The following AGO2 variants were observed in gnomAD, a reference collection of about 807,000 sequenced individuals.
The protein encoded by AGO2 is protein argonaute-2.
Under a neutral mutation model 102.3 loss-of-function variants are expected in AGO2, and 5 were observed. That is an observed-to-expected ratio of 0.05 (90% CI 0.03 to 0.10). The LOEUF (loss-of-function observed/expected upper bound fraction) is 0.10, where lower values mean the gene tolerates loss of function less well. Among genes scored for constraint, AGO2 ranks in the 10% least tolerant of loss-of-function variants. The pLI, the probability that AGO2 is intolerant of heterozygous loss-of-function variation, is 1.00. For synonymous variants in AGO2, 449 were observed against 473.1 expected (o/e 0.95, Z 0.66); for missense variants, 541 against 1,183.7 (o/e 0.46, Z 7.97).
In AGO2 at chr8:140,532,041, A is replaced by C. The variant is rs759660452; in HGVS notation, c.*3T>G. 2 of 1,613,892 alleles carry C rather than the reference A, an allele frequency of 1.2e-6. No individual in the cohort carries two copies. The highest frequency in any genetic ancestry group is 8.5e-7 in the Non-Finnish European group (1 of 1,179,786). On this transcript the variant is annotated 3_prime_UTR_variant, in exon 19 of 19. Coordinates refer to ENST00000220592, the MANE Select transcript of AGO2 (RefSeq NM_012154.5). ...GTACACAATCGCTAAACACTAAAAC[A>C]TGTCAAGCAAAGTACATGGTGCGCA...
At chr8:140,535,198 C>T (rs1296952812) in intron 17 of AGO2, among the ~76,000 whole-genome samples, 1 of 152,212 alleles carries the variant, frequency 6.6e-6, no homozygotes, top group Non-Finnish European at 1.5e-5. Flanking sequence ...ACACCACACC[C>T]CTGGCTCCCC....
chr8:140,635,826 C>T (rs1473714186), upstream of AGO2, among the ~76,000 whole-genome samples: 1 of 138,092 alleles, frequency 7.2e-6, no homozygotes, highest in Non-Finnish European at 1.6e-5. Flanking sequence ...TCTGGCGGGG[C>T]CTGGGGCGGG....
intron 1 of AGO2, among the ~76,000 whole-genome samples, chr8:140,606,472 A>G (rs893822058): frequency 1.3e-5 from 2 of 152,220 alleles, no homozygotes; most frequent in African/African-American, 4.8e-5. Flanking sequence ...TTTGCTTAAA[A>G]ACGCAGTTTC....
At chr8:140,633,520 T>C (rs571783275) in intron 1 of AGO2, among the ~76,000 whole-genome samples, 1 of 152,280 alleles carries the variant, frequency 6.6e-6, no homozygotes, top group South Asian at 2.1e-4. Context: ...CTGTGGATCA[T>C]GAGGGCCAAG....
intron 1 of AGO2, among the ~76,000 whole-genome samples, chr8:140,627,815 T>G (rs1207392955): frequency 1.3e-5 from 2 of 152,128 alleles, no homozygotes; most frequent in Non-Finnish European, 2.9e-5. Context: ...CGGTCACTTG[T>G]CAGAGCTCCA....
At chr8:140,614,404 C>A (rs1393129188) in intron 1 of AGO2, among the ~76,000 whole-genome samples, 2 of 152,204 alleles carry the variant, frequency 1.3e-5, no homozygotes, top group Non-Finnish European at 2.9e-5. Context: ...CACATTAAAC[C>A]AATTCTTTAA....
chr8:140,624,080 C>G (rs1034663206), intron 1 of AGO2, among the ~76,000 whole-genome samples: 1 of 152,020 alleles, frequency 6.6e-6, no homozygotes, highest in Non-Finnish European at 1.5e-5. Flanking sequence ...GATGGACCGT[C>G]CCCTCCTGGG....
chr8:140,551,932 G>A (rs1403879592), intron 10 of AGO2, among the ~76,000 whole-genome samples: 2 of 152,110 alleles, frequency 1.3e-5, no homozygotes, highest in East Asian at 1.9e-4. Context: ...GAGAGATGGA[G>A]AGATGGATGA....
At position 140,526,454 on chromosome 8, in the gene AGO2, AC is replaced by A. The variant is rs1303936225; in HGVS notation, c.*5589del. ...CTCAAAGCTGCGCAGAACAGAGGTG[AC>A]CCTGGTCCACCTGACACAGTAGAGG... On this transcript the variant is annotated 3_prime_UTR_variant, in exon 19 of 19. Coordinates refer to ENST00000220592, the MANE Select transcript of AGO2 (RefSeq NM_012154.5). This position sits in a 1 kb window ranked among gnomAD's most constrained non-coding sequence, Gnocchi z 5.2. The A allele has an allele frequency of 1.3e-5, 2 of 152,118 alleles. No homozygotes were observed. The highest frequency in any genetic ancestry group is 2.4e-5 in the African/African-American group (1 of 41,406). 9.4% of individuals were successfully genotyped at this position (152,118 alleles called of 1,614,324 possible).
intron 3 of AGO2, among the ~76,000 whole-genome samples, chr8:140,568,988 C>T (rs1022807409): frequency 5.3e-5 from 8 of 152,228 alleles, no homozygotes; most frequent in African/African-American, 1.4e-4. Context: ...ACTGCCCAAG[C>T]GGAGCCCCCC....
chr8:140,546,794 T>C (rs2944768), intron 13 of AGO2, among the ~76,000 whole-genome samples: 94,819 of 152,196 alleles, frequency 0.62, 30,860 homozygotes, highest in African/African-American at 0.82. Context: ...TGCCTGTCAT[T>C]GTGTGGAGAC....
At chr8:140,586,183 C>T (rs1476339547) in intron 1 of AGO2, among the ~76,000 whole-genome samples, 1 of 152,190 alleles carries the variant, frequency 6.6e-6, no homozygotes, top group Admixed American at 6.5e-5. Flanking sequence ...GCACCATGCC[C>T]TGGGCCAAGG....
intron 1 of AGO2, among the ~76,000 whole-genome samples, chr8:140,611,830 G>C (rs913902122): frequency 1.3e-5 from 2 of 152,184 alleles, no homozygotes; most frequent in African/African-American, 4.8e-5. Context: ...GGCTGATGGT[G>C]TCTGTTGCAA....
At chr8:140,533,295 C>A (rs1346710507) in intron 17 of AGO2, among the ~76,000 whole-genome samples, 23 of 144,376 alleles carry the variant, frequency 1.6e-4, no homozygotes, top group Non-Finnish European at 2.6e-4. Context: ...AGGCTGAGGC[C>A]AGAGAATGGC....
intron 8 of AGO2, 132 bp from the exon 9 acceptor site, chr8:140,556,418 C>T (rs1009413031): frequency 1.7e-6 from 2 of 1,192,454 alleles, no homozygotes; most frequent in Admixed American, 4.7e-5. Flanking sequence ...CTATGAAGTG[C>T]TGTGCAGGTG....
intron 8 of AGO2, among the ~76,000 whole-genome samples, chr8:140,556,771 C>T (rs1479170990): frequency 2.6e-5 from 4 of 152,132 alleles, no homozygotes; most frequent in Non-Finnish European, 5.9e-5. Flanking sequence ...TTCAAAGAGT[C>T]GTGATGTTAG....
At chr8:140,580,798 G>A (rs932868777) in intron 2 of AGO2, among the ~76,000 whole-genome samples, 10 of 152,188 alleles carry the variant, frequency 6.6e-5, no homozygotes, top group Admixed American at 6.5e-4. Context: ...TTTGAGATAG[G>A]GCCTAAAGGT....
intron 1 of AGO2, among the ~76,000 whole-genome samples, chr8:140,607,978 G>A (rs563670538): frequency 6.6e-6 from 1 of 152,170 alleles, no homozygotes; most frequent in African/African-American, 2.4e-5. Flanking sequence ...CAATGAATCT[G>A]CTCAGCACTG....
chr8:140,584,338 G>A (rs1436007751), intron 2 of AGO2, among the ~76,000 whole-genome samples: 5 of 152,232 alleles, frequency 3.3e-5, no homozygotes, highest in East Asian at 1.9e-4. Context: ...ACCACACCGC[G>A]TGCTGGTGGG....
Sources: gnomAD v4.1 joint callset for allele counts (sites outside exome capture counted in the v4.1 genomes callset) on GRCh38, gnomAD v4.1.1 for gene constraint, Gnocchi (gnomAD v3.1) non-coding constraint, MANE v1.5 for transcripts, NCBI Gene and HGNC (gene_info 2026-07-23, HGNC 2026-07-21) for gene names.